ATG12: variants seen among roughly 807,000 people sequenced by gnomAD.
ATG12 encodes the protein ubiquitin-like protein ATG12.
ATG12 carries 19 observed loss-of-function variants against 17.6 expected under a neutral mutation model. The observed-to-expected ratio is 1.08, with a 90% CI of 0.75 to 1.58. The LOEUF is 1.58. ATG12 is among the 40% of genes most tolerant of loss of function. The pLI is 0.00. For synonymous variants in ATG12, 75 were observed against 62.4 expected (o/e 1.20, Z -0.95); for missense variants, 214 against 162.0 (o/e 1.32, Z -1.74).
intron 1 of ATG12, chr5:115,840,575 G>A (rs1236316837): frequency 2.4e-6 from 3 of 1,276,474 alleles, no homozygotes; most frequent in South Asian, 2.5e-5. Context: ...TGGGATTACA[G>A]GAGTGAGCCA....
intron 1 of ATG12, 124 bp downstream of exon 1, chr5:115,841,266 T>A: frequency 4.7e-6 from 6 of 1,276,354 alleles, no homozygotes; most frequent in Non-Finnish European, 5.4e-6. Flanking sequence ...TTTCTTCTGA[T>A]GACTGGTCAA....
At chr5:115,834,233 C>T (rs918733836) in intron 2 of ATG12, 1 of 152,138 alleles carries the variant, frequency 6.6e-6, no homozygotes, top group African/African-American at 2.4e-5. Context: ...GAGCAGAGAA[C>T]CAACCAAAGG....
At chr5:115,832,525 T>A in intron 3 of ATG12, 77 bp downstream of exon 3, 1 of 1,388,554 alleles carries the variant, frequency 7.2e-7, no homozygotes, top group Non-Finnish European at 9.5e-7. Flanking sequence ...ATACATATTA[T>A]ACAGATGTGC....
Position 115,841,382 on chromosome 5 carries a change from TCA to T in ATG12, c.163+6_163+7del, listed in dbSNP as rs554140789. On this transcript the variant is annotated splice_donor_region_variant and intron_variant, in intron 1 of 3. Coordinates refer to ENST00000509910, the MANE Select transcript of ATG12 (RefSeq NM_004707.4). ...CCCGCCTCTCTGCCCGGAAATAAAT[TCA>T]GTTACTTTTTTTCTTGGTGTCGCCA... is the stretch of plus-strand genomic sequence containing the variant. The T allele has an allele frequency of 8.4e-5, 136 of 1,610,928 alleles. No individual in the cohort carries two copies. The African/African-American group carries it at 1.6e-3, about 18-fold the overall frequency.
At chr5:115,838,370 G>T (rs1761191208) in intron 1 of ATG12, 2 of 152,224 alleles carry the variant, frequency 1.3e-5, no homozygotes, top group Non-Finnish European at 2.9e-5. Flanking sequence ...TGATTAAATA[G>T]AATGTAGTAA....
intron 1 of ATG12, chr5:115,840,679 G>A: frequency 3.3e-6 from 4 of 1,208,878 alleles, no homozygotes; most frequent in Non-Finnish European, 4.2e-6. Flanking sequence ...ATGCTTATAT[G>A]CTGCTTTTCC....
chr5:115,838,983 C>A (rs1481842890), intron 1 of ATG12: 2 of 151,970 alleles, frequency 1.3e-5, no homozygotes, highest in Non-Finnish European at 2.9e-5. Flanking sequence ...CTTAGCCAGG[C>A]GTGGTGGTGC....
intron 1 of ATG12, chr5:115,840,668 G>A (rs975796717): frequency 8.2e-6 from 10 of 1,224,784 alleles, no homozygotes; most frequent in Non-Finnish European, 1.0e-5. Flanking sequence ...CTGAATCGAG[G>A]ATGCTTATAT....
At chr5:115,841,206 G>A (rs1316914702) in intron 1 of ATG12, 184 bp downstream of exon 1, 4 of 728,524 alleles carry the variant, frequency 5.5e-6, no homozygotes, top group African/African-American at 1.8e-5. Flanking sequence ...GACAGAGATG[G>A]TATTTTAACA....
intron 1 of ATG12, among the ~76,000 whole-genome samples, chr5:115,840,004 G>A (rs26534): frequency 0.48 from 72,937 of 151,998 alleles, 18,505 homozygotes; most frequent in African/African-American, 0.64. Flanking sequence ...CTTTTGTTTT[G>A]CACAGCTATC....
chr5:115,841,518 G>T lies in ATG12; in HGVS notation c.35C>A (p.Pro12His), dbSNP rs535376486. The change falls in exon 1 of 4, where the codon CCT (proline) becomes CAT (histidine). Residue 12 changes from proline (P) to histidine (H), a missense_variant. Pro to His is a moderately conservative substitution (Grantham distance 77). Transcript: ENST00000509910. The part of the protein sequence containing the change: ...AEEPQSVLQL[P>H]TSIAAGGEGL... ...TTCCCCTCCAGCAGCAATTGAAGTA[G>T]GAAGCTGCAACACAGACTGCGGCTC... The T allele has an allele frequency of 6.2e-6, 10 of 1,612,862 alleles. No individual in the cohort carries two copies. The highest frequency in any genetic ancestry group is 1.7e-4 in the Middle Eastern group (1 of 6,050).
At chr5:115,834,743 C>CA (rs1322041272) in intron 2 of ATG12, among the ~76,000 whole-genome samples, 2 of 152,126 alleles carry the variant, frequency 1.3e-5, no homozygotes, top group African/African-American at 2.4e-5. Context: ...TCTTTGCTGT[C>CA]AAAGTTTGAC....
intron 1 of ATG12, chr5:115,838,733 T>C (rs897108879): frequency 6.6e-6 from 1 of 152,180 alleles, no homozygotes; most frequent in Non-Finnish European, 1.5e-5. Flanking sequence ...AAAACACAGA[T>C]ATGCAAACCC....
chr5:115,829,471 A>G lies in ATG12; in HGVS notation c.*2333T>C, dbSNP rs1312864374. On this transcript the variant is annotated 3_prime_UTR_variant, in exon 4 of 4. Transcript: ENST00000509910. ...TTTGCCTTATTCCTTAAATATGGTG[A>G]ATTCATTATGAAGTCTTTGGCATAC... 1 of 152,238 alleles carries G rather than the reference A, an allele frequency of 6.6e-6. No individual in the cohort carries two copies. Among genetic ancestry groups the G allele is most frequent in the Non-Finnish European group, 1.5e-5 (1 of 68,036 alleles). The allele number at this position is 152,238 out of a possible 1,614,324, so 9.4% of individuals were successfully genotyped here. A position where few individuals can be genotyped will look rare whatever the true frequency, so the allele number is the denominator to read the frequency against.
chr5:115,830,341 C>T lies in ATG12; in HGVS notation c.*1463G>A, dbSNP rs941870184. 3 of 151,800 alleles carry T rather than the reference C, an allele frequency of 2.0e-5. No individual in the cohort carries two copies. The highest frequency in any genetic ancestry group is 7.3e-5 in the African/African-American group (3 of 41,312). The allele number at this position is 151,800 out of a possible 1,614,324, so 9.4% of individuals were successfully genotyped here. A position where few individuals can be genotyped will look rare whatever the true frequency, so the allele number is the denominator to read the frequency against. ...TCTGAACCCTCAGTGGCAAACAATA[C>T]GAAAATTCAACATATTTTTATTTGT... On this transcript the variant is annotated 3_prime_UTR_variant, in exon 4 of 4. Coordinates refer to ENST00000509910, the MANE Select transcript of ATG12 (RefSeq NM_004707.4).
intron 2 of ATG12, chr5:115,834,388 GA>G (rs1179291004): frequency 6.6e-6 from 1 of 152,218 alleles, no homozygotes; most frequent in Non-Finnish European, 1.5e-5. Flanking sequence ...TTCCACTGCA[GA>G]ATCGCTAAGT....
chr5:115,831,659 GTT>G lies in ATG12; in HGVS notation c.*143_*144del. On this transcript the variant is annotated 3_prime_UTR_variant, in exon 4 of 4. Transcript: ENST00000509910. ...TTCTGAGTCCATTCATGCTATGGAT[GTT>G]TTCTTATGCATAAACATAGAGTAGA... The G allele has an allele frequency of 1.4e-6, 1 of 740,598 alleles. No homozygotes were observed. Among genetic ancestry groups the G allele is most frequent in the Non-Finnish European group, 2.3e-6 (1 of 438,136 alleles). The allele number at this position is 740,598 out of a possible 1,614,324, so 45.9% of individuals were successfully genotyped here. A position where few individuals can be genotyped will look rare whatever the true frequency, so the allele number is the denominator to read the frequency against.
intron 1 of ATG12, 95 bp downstream of exon 1, chr5:115,841,292 CAGG>C: frequency 6.6e-7 from 1 of 1,510,490 alleles, no homozygotes; most frequent in Non-Finnish European, 9.0e-7. Context: ...AGGTCTAGGA[CAGG>C]CGCTCCTCTA....
intron 2 of ATG12, among the ~76,000 whole-genome samples, chr5:115,835,442 A>G (rs1761054190): frequency 6.6e-6 from 1 of 152,144 alleles, no homozygotes; most frequent in Non-Finnish European, 1.5e-5. Flanking sequence ...ACTATTCAAA[A>G]CGATGGAGGC....
Sources: allele counts gnomAD v4.1 joint callset (sites outside exome capture counted in the v4.1 genomes callset), GRCh38; gene constraint gnomAD v4.1.1; transcripts MANE v1.5; gene names NCBI Gene and HGNC (gene_info 2026-07-23, HGNC 2026-07-21).